CARF: variants seen among roughly 807,000 people sequenced by gnomAD.
CARF encodes the protein calcium-responsive transcription factor.
In CARF, 57 loss-of-function variants were observed where a neutral mutation model predicts 82.0. That is an observed-to-expected ratio of 0.70 (90% CI 0.56 to 0.87). The LOEUF (loss-of-function observed/expected upper bound fraction) is 0.87. Among genes scored for constraint, CARF ranks in the 40% least tolerant of loss-of-function variants. The probability of loss-of-function intolerance (pLI) is 0.00; values close to 1 mark genes in which losing one functional copy is unlikely to be tolerated. For synonymous variants in CARF, 268 were observed against 290.1 expected (o/e 0.92, Z 0.77); for missense variants, 771 against 855.8 (o/e 0.90, Z 1.24).
At chr2:202,958,826 A>T (rs549778244) in intron 8 of CARF, among the ~76,000 whole-genome samples, 1 of 148,814 alleles carries the variant, frequency 6.7e-6, no homozygotes, top group Non-Finnish European at 1.5e-5. Flanking sequence ...AATCGCTTGA[A>T]CCCAGGAGGT....
chr2:202,947,865 C>T (rs1338587735), intron 5 of CARF, among the ~76,000 whole-genome samples: 3 of 152,136 alleles, frequency 2.0e-5, no homozygotes, highest in Admixed American at 2.0e-4. Context: ...TATTTAGATT[C>T]CATTTTCCAA....
At chr2:202,967,135 A>G (rs1463147001) in intron 10 of CARF, 37 bp downstream of exon 10, 1 of 1,602,214 alleles carries the variant, frequency 6.2e-7, no homozygotes, top group South Asian at 1.1e-5. Flanking sequence ...TTCTATTAAG[A>G]ACTTATTTTT....
At chr2:202,977,810 T>C (rs925519096) in intron 14 of CARF, among the ~76,000 whole-genome samples, 7 of 152,188 alleles carry the variant, frequency 4.6e-5, no homozygotes, top group African/African-American at 1.7e-4. Flanking sequence ...TTTAAGTACA[T>C]TCATAACTTC....
At position 202,952,681 on chromosome 2, in the gene CARF, T is replaced by G; in HGVS notation, c.427+2T>G. ...TTGTGGATGTGAATAGTCCTCGGGG[T>G]GAGTAACAACGGGATATAGGGGATT... On this transcript the variant is annotated splice_donor_variant, in intron 6 of 16. Coordinates refer to ENST00000438828, the MANE Select transcript of CARF (RefSeq NM_024744.17). LOFTEE classifies it high-confidence loss of function. 1 of 1,606,322 alleles carries G rather than the reference T, an allele frequency of 6.2e-7. No homozygotes were observed. Among genetic ancestry groups the G allele is most frequent in the Non-Finnish European group, 8.5e-7 (1 of 1,175,810 alleles).
intron 12 of CARF, among the ~76,000 whole-genome samples, chr2:202,974,003 G>A (rs957788603): frequency 7.2e-5 from 11 of 151,990 alleles, no homozygotes; most frequent in Admixed American, 5.9e-4. Context: ...CAGGAGAATC[G>A]CTTGAACCCG....
rs373506413 is a variant in CARF, at chr2:202,941,971, A to G, written c.69A>G (p.Gln23=). 1 of 1,613,298 alleles carries G rather than the reference A, an allele frequency of 6.2e-7. No homozygotes were observed. The highest frequency in any genetic ancestry group is 1.3e-5 in the African/African-American group (1 of 75,036). The part of the protein sequence containing the change: ...NDGEESKTSA[Q]VFEHLICMDS... ...GTGAAGAGTCAAAAACCAGTGCTCAAGTATTTGAGGTATGGATTCAGCTGG... is the reference window on the plus strand; with the variant it reads ...GTGAAGAGTCAAAAACCAGTGCTCAGGTATTTGAGGTATGGATTCAGCTGG... Residue 23 remains glutamine, a synonymous_variant, in exon 4 of 17, where the codon CAA becomes CAG. Coordinates refer to ENST00000438828, the MANE Select transcript of CARF (RefSeq NM_024744.17).
chr2:202,933,467 G>T (rs947348574), intron 3 of CARF, among the ~76,000 whole-genome samples: 1 of 152,178 alleles, frequency 6.6e-6, no homozygotes, highest in Admixed American at 6.5e-5. Flanking sequence ...TGTGAAGACT[G>T]CAGGGAACCT....
At chr2:202,957,752 C>T (rs1183161651) in intron 8 of CARF, among the ~76,000 whole-genome samples, 8 of 152,000 alleles carry the variant, frequency 5.3e-5, no homozygotes, top group Non-Finnish European at 8.8e-5. Flanking sequence ...GTCAGGAGTT[C>T]GAGAGCAGCC....
chr2:202,916,186 A>T (rs1159733169), intron 1 of CARF, among the ~76,000 whole-genome samples: 1 of 151,224 alleles, frequency 6.6e-6, no homozygotes, highest in Non-Finnish European at 1.5e-5. Context: ...TTATTTATTT[A>T]TTTATTTATT....
chr2:202,963,331 A>G (rs952971074), intron 9 of CARF, among the ~76,000 whole-genome samples: 1 of 152,068 alleles, frequency 6.6e-6, no homozygotes, highest in African/African-American at 2.4e-5. Flanking sequence ...AAAAAAAAAA[A>G]AATTGCTCTC....
intron 3 of CARF, among the ~76,000 whole-genome samples, chr2:202,938,817 C>T (rs768546860): frequency 1.8e-4 from 27 of 151,982 alleles, no homozygotes; most frequent in Non-Finnish European, 3.5e-4. Flanking sequence ...TGGGCTCAAG[C>T]GATCCACTCT....
At chr2:202,983,046 G>A (rs1434465417) in intron 16 of CARF, among the ~76,000 whole-genome samples, 1 of 151,842 alleles carries the variant, frequency 6.6e-6, no homozygotes, top group Non-Finnish European at 1.5e-5. Flanking sequence ...CCACCATACT[G>A]GGCAAATTCT....
intron 3 of CARF, among the ~76,000 whole-genome samples, chr2:202,932,730 CA>C (rs1693163610): frequency 6.6e-6 from 1 of 151,912 alleles, no homozygotes; most frequent in Non-Finnish European, 1.5e-5. Flanking sequence ...GTGTAGGGAA[CA>C]GCATAGCAAT....
At chr2:202,930,364 G>A (rs1485660360) in intron 3 of CARF, among the ~76,000 whole-genome samples, 1 of 152,090 alleles carries the variant, frequency 6.6e-6, no homozygotes, top group East Asian at 1.9e-4. Context: ...GTGTTTTACA[G>A]TATTTAATGG....
At position 202,915,439 on chromosome 2, in the gene CARF, T is replaced by C. The variant is rs546354399; in HGVS notation, c.-330+2337T>C. 3.9e-5 allele frequency among the ~76,000 whole-genome samples: 6 copies of C among 152,234 alleles called. No individual in the cohort carries two copies. The South Asian group carries it at 1.2e-3, about 32-fold the overall frequency. ...CTCCCCAATAGCTGCGATTGCAGGC[T>C]CCTGCCACCACTCCCAGCTGATTTT... On this transcript the variant is annotated intron_variant, in intron 1 of 16. Coordinates refer to ENST00000438828, the MANE Select transcript of CARF (RefSeq NM_024744.17).
intron 11 of CARF, among the ~76,000 whole-genome samples, chr2:202,970,287 A>T (rs1025972406): frequency 1.3e-5 from 2 of 152,220 alleles, no homozygotes; most frequent in Non-Finnish European, 2.9e-5. Context: ...ATTATTCCAT[A>T]CTGTATAGCA....
intron 5 of CARF, among the ~76,000 whole-genome samples, chr2:202,943,922 A>G (rs1235676334): frequency 6.6e-6 from 1 of 152,190 alleles, no homozygotes; most frequent in Non-Finnish European, 1.5e-5. Context: ...CTGGGATTAC[A>G]GGCATGAGCC....
At chr2:202,921,812 C>A in intron 2 of CARF, among the ~76,000 whole-genome samples, 1 of 152,046 alleles carries the variant, frequency 6.6e-6, no homozygotes, top group East Asian at 1.9e-4. Flanking sequence ...AACAATAAAA[C>A]TTAAAATTTT....
In CARF at chr2:202,981,564, C is replaced by T. The variant is rs1435666907; in HGVS notation, c.1568C>T (p.Pro523Leu). Residue 523 changes from proline to leucine, a missense_variant, in exon 15 of 17, where the codon CCA becomes CTA. Pro to Leu is a moderately conservative substitution (Grantham distance 98, BLOSUM62 -3). Coordinates refer to ENST00000438828, the MANE Select transcript of CARF (RefSeq NM_024744.17). The stretch of plus-strand genomic sequence containing the variant: ...CTTTAATATAATTTAGGAAATTCAC[C>T]AGGAGAATCAATTACCACCAAAGTG... ...MTVTFAEGNSPGESITTKVET... is the reference protein window; with the variant it reads ...MTVTFAEGNSLGESITTKVET... The T allele has an allele frequency of 6.9e-6, 11 of 1,592,388 alleles. No individual in the cohort carries two copies. Among genetic ancestry groups the T allele is most frequent in the Non-Finnish European group, 9.4e-6 (11 of 1,168,582 alleles).
Sources: gnomAD v4.1 joint callset for allele counts (sites outside exome capture counted in the v4.1 genomes callset) on GRCh38, gnomAD v4.1.1 for gene constraint, MANE v1.5 for transcripts, NCBI Gene and HGNC (gene_info 2026-07-23, HGNC 2026-07-21) for gene names.